The following RASL11A variants were observed in gnomAD, a reference collection of about 807,000 sequenced individuals.
RASL11A encodes RAS like family 11 member A, also known as ras-like protein family member 11A.
Under a neutral mutation model 17.1 loss-of-function variants are expected in RASL11A, and 14 were observed. That is an observed-to-expected ratio of 0.82 (90% confidence interval 0.54 to 1.28). RASL11A has a LOEUF of 1.28. RASL11A is among the 50% of genes most tolerant of loss of function. The pLI, the probability that RASL11A is intolerant of heterozygous loss-of-function variation, is 0.00. For missense variants in RASL11A, 283 were observed against 312.3 expected, an observed-to-expected ratio of 0.91 and a Z score of 0.71; for synonymous variants, 146 against 132.5, an observed-to-expected ratio of 1.10 and a Z score of -0.70.
rs1491179424 is a variant in RASL11A, at chr13:27,273,720, T to TTA, written c.*226_*227insTA. 1 of 342,346 alleles carries TTA rather than the reference T, an allele frequency of 2.9e-6. No individual in the cohort carries two copies. Among genetic ancestry groups the TTA allele is most frequent in the African/African-American group, 2.7e-5 (1 of 37,252 alleles). 21.2% of individuals were successfully genotyped at this position (342,346 alleles called of 1,614,324 possible). ...TTTTTTTTTTTTTTTTTTTTTTTTTTACTGTAACTGCTGGCCACTTTTCCA... is the reference window on the plus strand; with the variant it reads ...TTTTTTTTTTTTTTTTTTTTTTTTTTTAACTGTAACTGCTGGCCACTTTTCCA... On this transcript the variant is annotated 3_prime_UTR_variant, in exon 4 of 4. Coordinates refer to ENST00000241463, the MANE Select transcript of RASL11A (RefSeq NM_206827.2).
Position 27,270,952 on chromosome 13 carries a change from C to A in RASL11A, c.8C>A (p.Pro3Gln), listed in dbSNP as rs376471623. The change falls in exon 1 of 4, where the codon CCG becomes CAG. Residue 3 changes from proline to glutamine, a missense_variant. Coordinates refer to ENST00000241463, the MANE Select transcript of RASL11A (RefSeq NM_206827.2). MRPLSMSGHFLLA... is the reference protein window; with the variant it reads MRQLSMSGHFLLA... Reference sequence around the variant, plus strand: ...GACCCCGGGACGCGCTCCATGCGGCCGCTCAGCATGTCCGGGCACTTTCTG... The same window carrying A: ...GACCCCGGGACGCGCTCCATGCGGCAGCTCAGCATGTCCGGGCACTTTCTG... 6.3e-7 allele frequency: 1 copy of A among 1,593,686 alleles called. No individual in the cohort carries two copies. Among genetic ancestry groups the A allele is most frequent in the East Asian group, 2.3e-5 (1 of 43,628 alleles).
In RASL11A at chr13:27,273,082, C is replaced by T; in HGVS notation, c.317C>T (p.Ala106Val). 1 of 1,614,188 alleles carries T rather than the reference C, an allele frequency of 6.2e-7. No individual in the cohort carries two copies. The highest frequency in any genetic ancestry group is 1.1e-5 in the South Asian group (1 of 91,082). ...VDSLSKCVQW[A>V]EGFLLVYSIT... Reference sequence around the variant, plus strand: ...TCCCTGTCCAAATGCGTGCAGTGGGCCGAGGGTTTTCTGCTGGTCTATTCC... The same window carrying T: ...TCCCTGTCCAAATGCGTGCAGTGGGTCGAGGGTTTTCTGCTGGTCTATTCC... The change falls in exon 4 of 4, where the codon GCC becomes GTC. Residue 106 changes from alanine (A) to valine (V), a missense_variant. Transcript: ENST00000241463.
At position 27,274,455 on chromosome 13, in the gene RASL11A, C is replaced by T. The variant is rs1412989128; in HGVS notation, c.*961C>T. On this transcript the variant is annotated 3_prime_UTR_variant, in exon 4 of 4. Transcript: ENST00000241463. ...ATGGCATCAAGATTCTTTACCACCT[C>T]TCCAGGCTTATCAACCCCTCCTTCC... Among the ~76,000 whole-genome samples, 1 of 152,218 alleles carries T rather than the reference C, an allele frequency of 6.6e-6. No homozygotes were observed. The highest frequency in any genetic ancestry group is 1.5e-5 in the Non-Finnish European group (1 of 68,038).
rs751665444 is a variant in RASL11A, at chr13:27,273,206, C to A, written c.441C>A (p.Asn147Lys). Residue 147 changes from asparagine to lysine, a missense_variant, in exon 4 of 4, where the codon AAC (asparagine) becomes AAA (lysine). Physicochemically the swap from Asn to Lys is moderately conservative, Grantham distance 94 (BLOSUM62 0). Coordinates refer to ENST00000241463, the MANE Select transcript of RASL11A (RefSeq NM_206827.2). ...DSKAPVIIVG[N>K]KGDLLHARQV... Reference sequence around the variant, plus strand: ...AAGCCCCTGTCATCATCGTGGGCAACAAGGGGGACCTTTTGCATGCCCGGC... The same window carrying A: ...AAGCCCCTGTCATCATCGTGGGCAAAAAGGGGGACCTTTTGCATGCCCGGC... The A allele has an allele frequency of 6.2e-7, 1 of 1,614,214 alleles. No individual in the cohort carries two copies.
In RASL11A at chr13:27,274,081, C is replaced by G. The variant is rs190417215; in HGVS notation, c.*587C>G. Among the ~76,000 whole-genome samples, 4 of 152,168 alleles carry G rather than the reference C, an allele frequency of 2.6e-5. No homozygotes were observed. On this transcript the variant is annotated 3_prime_UTR_variant, in exon 4 of 4. Coordinates refer to ENST00000241463, the MANE Select transcript of RASL11A (RefSeq NM_206827.2). ...TTATTGGTGCAAATGCAAGTTTATA[C>G]TCTACCCATATTAAAAAACAACCCC...
Position 27,271,728 on chromosome 13 carries a change from G to A in RASL11A, c.261+10G>A, listed in dbSNP as rs762805860. 3 of 1,601,062 alleles carry A rather than the reference G, an allele frequency of 1.9e-6. No homozygotes were observed. Among genetic ancestry groups the A allele is most frequent in the Non-Finnish European group, 2.6e-6 (3 of 1,174,016 alleles). ...TCCCGGGGGCGTCCAGGTAAGAACC[G>A]CCAGGGGCAAACAGCTCACCCCCAC... is the stretch of plus-strand genomic sequence containing the variant. On this transcript the variant is annotated intron_variant, in intron 3 of 3. Transcript: ENST00000241463.
Position 27,273,475 on chromosome 13 carries a change from C to A in RASL11A, c.710C>A (p.Ala237Asp). The change falls in exon 4 of 4, where the codon GCC becomes GAC. Residue 237 changes from alanine (A) to aspartate (D), a missense_variant. By Grantham distance (126) the Ala-to-Asp change is moderately radical (BLOSUM62 -2). Transcript: ENST00000241463. ...CAGGCTCTGTCTCCCAAAGTCAAAG[C>A]CCCCTCTGCACTGGGGTGAACTATC... Reference protein sequence around the residue: ...FKQALSPKVKAPSALG With the variant: ...FKQALSPKVKDPSALG 1.2e-6 allele frequency: 2 copies of A among 1,613,914 alleles called. No individual in the cohort carries two copies. The highest frequency in any genetic ancestry group is 1.7e-5 in the Admixed American group (1 of 60,002).
Position 27,270,850 on chromosome 13 carries a change from G to T in RASL11A, c.-95G>T. ...TCTGCAGGCAGCCGCCGCGGTCCCG[G>T]ACCTCTAGTCCCGCACTCCCAGCTG... On this transcript the variant is annotated 5_prime_UTR_variant, in exon 1 of 4. Transcript: ENST00000241463. 6.7e-7 allele frequency: 1 copy of T among 1,487,026 alleles called. No individual in the cohort carries two copies. The highest frequency in any genetic ancestry group is 1.3e-5 in the South Asian group (1 of 76,920). 92.1% of individuals were successfully genotyped at this position (1,487,026 alleles called of 1,614,324 possible). A position where few individuals can be genotyped will look rare whatever the true frequency, so the allele number is the denominator to read the frequency against.
intron 3 of RASL11A, among the ~76,000 whole-genome samples, 174 bp from the exon 4 acceptor site, chr13:27,272,853 G>A (rs1882335996): frequency 6.6e-6 from 1 of 152,184 alleles, no homozygotes; most frequent in Non-Finnish European, 1.5e-5. Flanking sequence ...GTTTGCCTGG[G>A]AATCTGTTCT....
rs751068692 is a variant in RASL11A at position 27,271,645 on chromosome 13, T to A, written c.188T>A (p.Leu63Gln). The A allele has an allele frequency of 2.5e-6, 4 of 1,614,042 alleles. No homozygotes were observed. The African/African-American group carries it at 5.3e-5, about 22-fold the overall frequency. Reference sequence around the variant, plus strand: ...ACTCTACTTCATTCTCCAGGCAAGCTGTATTCACGGCTGGTCTATGTCGAG... The same window carrying A: ...ACTCTACTTCATTCTCCAGGCAAGCAGTATTCACGGCTGGTCTATGTCGAG... ...IGDYEPNTGK[L>Q]YSRLVYVEGD... Residue 63 changes from leucine (L) to glutamine (Q), a missense_variant, in exon 3 of 4, where the codon CTG (leucine) becomes CAG (glutamine). Leu to Gln is a moderately radical substitution (Grantham distance 113). Transcript: ENST00000241463.
At chr13:27,271,211 C>A in intron 1 of RASL11A, 143 bp downstream of exon 1, 2 of 1,454,482 alleles carry the variant, frequency 1.4e-6, no homozygotes, top group South Asian at 2.9e-5. Flanking sequence ...CTGGGTGGGT[C>A]CCGGTCCGTC....
At position 27,273,212 on chromosome 13, in the gene RASL11A, G is replaced by A; in HGVS notation, c.447G>A (p.Gly149=). The part of the protein sequence containing the change: ...KAPVIIVGNK[G]DLLHARQVQT... ...CTGTCATCATCGTGGGCAACAAGGG[G>A]GACCTTTTGCATGCCCGGCAGGTGC... The change falls in exon 4 of 4, where the codon GGG becomes GGA. Residue 149 remains glycine (G), a synonymous_variant. Transcript: ENST00000241463. 1.2e-6 allele frequency: 2 copies of A among 1,614,208 alleles called. No individual in the cohort carries two copies. The highest frequency in any genetic ancestry group is 1.7e-6 in the Non-Finnish European group (2 of 1,180,040).
At chr13:27,271,211 C>G in intron 1 of RASL11A, 143 bp downstream of exon 1, 1 of 1,454,482 alleles carries the variant, frequency 6.9e-7, no homozygotes, top group Admixed American at 2.7e-5. Flanking sequence ...CTGGGTGGGT[C>G]CCGGTCCGTC....
chr13:27,273,228 C>A lies in RASL11A; in HGVS notation c.463C>A (p.Arg155=), dbSNP rs767537468. ...VGNKGDLLHA[R]QVQTQDGIQL... ...CAACAAGGGGGACCTTTTGCATGCC[C>A]GGCAGGTGCAGACACAGGACGGTAT... Residue 155 remains arginine (R), a synonymous_variant, in exon 4 of 4, where the codon CGG becomes AGG. Transcript: ENST00000241463. 13 of 1,614,200 alleles carry A rather than the reference C, an allele frequency of 8.1e-6. No homozygotes were observed. Among genetic ancestry groups the A allele is most frequent in the Non-Finnish European group, 1.1e-5 (13 of 1,180,036 alleles).
chr13:27,271,166 G>A, intron 1 of RASL11A, 98 bp downstream of exon 1: 1 of 1,482,642 alleles, frequency 6.7e-7, no homozygotes, highest in Non-Finnish European at 8.9e-7. Flanking sequence ...CGAAGCAGAG[G>A]GCGCGGGTGC....
Position 27,273,565 on chromosome 13 carries a change from T to C in RASL11A, c.*71T>C. On this transcript the variant is annotated 3_prime_UTR_variant, in exon 4 of 4. Coordinates refer to ENST00000241463, the MANE Select transcript of RASL11A (RefSeq NM_206827.2). ...GCTAAAAGACTGGGCTTCTCGCTTT[T>C]TAATCACACATTCAGAGTTTATTTT... is the stretch of plus-strand genomic sequence containing the variant. 1.7e-6 allele frequency: 2 copies of C among 1,145,750 alleles called. No homozygotes were observed. The highest frequency in any genetic ancestry group is 1.5e-5 in the South Asian group (1 of 66,810). 71.0% of individuals were successfully genotyped at this position (1,145,750 alleles called of 1,614,324 possible).
chr13:27,272,792 G>T (rs927493467), intron 3 of RASL11A, among the ~76,000 whole-genome samples: 1 of 152,128 alleles, frequency 6.6e-6, no homozygotes, highest in African/African-American at 2.4e-5. Flanking sequence ...ACAAGCAAGG[G>T]GTTTAAAAAT....
At position 27,271,625 on chromosome 13, in the gene RASL11A, A is replaced by G. The variant is rs759394029; in HGVS notation, c.182-14A>G. The G allele has an allele frequency of 1.4e-5, 23 of 1,613,746 alleles. No homozygotes were observed. The highest frequency in any genetic ancestry group is 1.6e-4 in the Middle Eastern group (1 of 6,076). ...GTTTGAGAATTAAAAAGCAAACTCT[A>G]CTTCATTCTCCAGGCAAGCTGTATT... On this transcript the variant is annotated splice_polypyrimidine_tract_variant and intron_variant, in intron 2 of 3. Coordinates refer to ENST00000241463, the MANE Select transcript of RASL11A (RefSeq NM_206827.2).
At chr13:27,271,411 C>G (rs9512592) in intron 1 of RASL11A, 73 bp from the exon 2 acceptor site, 166,522 of 1,585,150 alleles carry the variant, frequency 0.11, 10,333 homozygotes, top group Non-Finnish European at 0.12. Flanking sequence ...TCACTCCCCC[C>G]AGTTTGTCCG....
Sources: allele counts gnomAD v4.1 joint callset (sites outside exome capture counted in the v4.1 genomes callset), GRCh38; gene constraint gnomAD v4.1.1; transcripts MANE v1.5; gene names NCBI Gene and HGNC (gene_info 2026-07-23, HGNC 2026-07-21).